The following DENND6A variants were observed in gnomAD, a reference collection of about 807,000 sequenced individuals.
The protein encoded by DENND6A is DENN domain containing 6A, also known as protein DENND6A.
A neutral mutation model predicts 95.5 loss-of-function variants in DENND6A; 43 were observed. The ratio of observed to expected loss-of-function variants is 0.45; its 90% confidence interval spans 0.35 to 0.58. The LOEUF (loss-of-function observed/expected upper bound fraction) is 0.58. Among genes scored for constraint, DENND6A ranks in the 20% least tolerant of loss-of-function variants. DENND6A has a pLI of 0.00. For missense variants in DENND6A, 574 were observed against 736.0 expected, an observed-to-expected ratio of 0.78 and a Z score of 2.55; for synonymous variants, 257 against 260.4, an observed-to-expected ratio of 0.99 and a Z score of 0.13.
intron 15 of DENND6A, among the ~76,000 whole-genome samples, chr3:57,632,459 G>T (rs995542707): frequency 2.0e-5 from 3 of 152,106 alleles, no homozygotes; most frequent in East Asian, 3.9e-4. Context: ...TGGCAGGCCT[G>T]AGCCACTGTG....
At chr3:57,638,515 G>A (rs1431808783) in intron 12 of DENND6A, among the ~76,000 whole-genome samples, 1 of 151,872 alleles carries the variant, frequency 6.6e-6, no homozygotes, top group Non-Finnish European at 1.5e-5. Context: ...AAAATTAGCT[G>A]GGTGTGGTGG....
At chr3:57,630,263 C>A in intron 18 of DENND6A, 158 bp downstream of exon 18, 1 of 569,238 alleles carries the variant, frequency 1.8e-6, no homozygotes, top group Non-Finnish European at 2.9e-6. Context: ...TATATAAAGC[C>A]CCTATAATGT....
At chr3:57,670,019 C>CAAA (rs780880587) in intron 3 of DENND6A, among the ~76,000 whole-genome samples, 5 of 57,710 alleles carry the variant, frequency 8.7e-5, no homozygotes, top group African/African-American at 2.9e-4. Context: ...AACTCCATCT[C>CAAA]AAAAAAAAAA....
At chr3:57,648,301 A>G (rs187123208) in intron 9 of DENND6A, among the ~76,000 whole-genome samples, 1 of 152,342 alleles carries the variant, frequency 6.6e-6, no homozygotes, top group African/African-American at 2.4e-5. Context: ...CAAGGAGGTG[A>G]AAGACCTCTA....
At chr3:57,660,396 GTCT>G (rs1224968777) in intron 7 of DENND6A, among the ~76,000 whole-genome samples, 3 of 151,920 alleles carry the variant, frequency 2.0e-5, no homozygotes, top group African/African-American at 7.3e-5. Flanking sequence ...GCCCAGGGTG[GTCT>G]TCAACACTTG....
chr3:57,683,104 G>A (rs1000736450), intron 1 of DENND6A, among the ~76,000 whole-genome samples: 2 of 152,090 alleles, frequency 1.3e-5, no homozygotes, highest in African/African-American at 4.8e-5. Context: ...CTATGCAAAT[G>A]GTCCCAGTGC....
rs1446696979 is a variant in DENND6A at position 57,630,509 on chromosome 3, G to C, written c.1532C>G (p.Ser511Cys). 5 of 1,589,058 alleles carry C rather than the reference G, an allele frequency of 3.1e-6. No homozygotes were observed. The highest frequency in any genetic ancestry group is 4.3e-6 in the Non-Finnish European group (5 of 1,174,640). ...CTTAAACCAGCCATCAAAATTTGGAGACTTTAGGAAATGCCTATAAAAATA... is the reference window on the plus strand; with the variant it reads ...CTTAAACCAGCCATCAAAATTTGGACACTTTAGGAAATGCCTATAAAAATA... ...WIGLYRHFLK[S>C]PNFDGWFKTR... Residue 511 changes from serine to cysteine, a missense_variant, in exon 18 of 20, where the codon TCT becomes TGT. By Grantham distance (112) the Ser-to-Cys change is moderately radical. Coordinates refer to ENST00000311128, the MANE Select transcript of DENND6A (RefSeq NM_152678.3).
At chr3:57,644,419 C>T (rs1392531990) in intron 11 of DENND6A, among the ~76,000 whole-genome samples, 1 of 151,734 alleles carries the variant, frequency 6.6e-6, no homozygotes, top group Non-Finnish European at 1.5e-5. Flanking sequence ...CATCCTCCCA[C>T]CTCAGCCTCA....
At chr3:57,659,249 G>T in intron 7 of DENND6A, 69 bp from the exon 8 acceptor site, 1 of 1,530,514 alleles carries the variant, frequency 6.5e-7, no homozygotes, top group Non-Finnish European at 9.0e-7. Context: ...GTATCCTGCT[G>T]CTAAAAAGGT....
At chr3:57,663,821 T>C (rs2071478146) in intron 4 of DENND6A, 105 bp from the exon 5 acceptor site, 4 of 575,504 alleles carry the variant, frequency 7.0e-6, no homozygotes, top group Admixed American at 3.7e-5. Flanking sequence ...GGCTCCTTTA[T>C]AAACCCAAAT....
chr3:57,679,567 A>C (rs2077141802), intron 1 of DENND6A: 1 of 985,314 alleles, frequency 1.0e-6, no homozygotes, highest in South Asian at 4.7e-5. Context: ...TGGAAAGTAC[A>C]GTACTGGTAC....
chr3:57,661,621 A>G, intron 5 of DENND6A, 70 bp from the exon 6 acceptor site: 6 of 1,239,126 alleles, frequency 4.8e-6, no homozygotes, highest in Non-Finnish European at 6.7e-6. Flanking sequence ...TCAATTACTA[A>G]CAAGCTAAAT....
rs80305885 is a variant in DENND6A at position 57,685,785 on chromosome 3, T to A, written c.237+6997A>T. 4.6e-5 allele frequency among the ~76,000 whole-genome samples: 7 copies of A among 152,296 alleles called. No homozygotes were observed. In the East Asian group the frequency reaches 1.4e-3, roughly 29 times the overall value. ...TAATGTTTGCTCTTGGCAGAATCAT[T>A]CTATGTTCATTCTATTGCAATATGT... On this transcript the variant is annotated intron_variant, in intron 1 of 19. Coordinates refer to ENST00000311128, the MANE Select transcript of DENND6A (RefSeq NM_152678.3).
intron 12 of DENND6A, among the ~76,000 whole-genome samples, chr3:57,639,290 A>G (rs995768765): frequency 6.6e-6 from 1 of 152,236 alleles, no homozygotes; most frequent in Admixed American, 6.5e-5. Flanking sequence ...GTTAAGAAAT[A>G]GGAACCCTCA....
intron 11 of DENND6A, among the ~76,000 whole-genome samples, chr3:57,645,019 T>C (rs2071048200): frequency 6.6e-6 from 1 of 151,792 alleles, no homozygotes; most frequent in Non-Finnish European, 1.5e-5. Context: ...AATCTAGCTG[T>C]AAAAAGAAGG....
chr3:57,663,005 G>C (rs1254383170), intron 5 of DENND6A, among the ~76,000 whole-genome samples: 1 of 151,124 alleles, frequency 6.6e-6, no homozygotes, highest in African/African-American at 2.4e-5. Flanking sequence ...TGTAATGCCA[G>C]CTACTTGTGA....
At chr3:57,643,148 A>AT (rs2070988481) in intron 11 of DENND6A, among the ~76,000 whole-genome samples, 1 of 152,092 alleles carries the variant, frequency 6.6e-6, no homozygotes. Context: ...TAGAAAGAAG[A>AT]TAAGAAATGT....
intron 1 of DENND6A, among the ~76,000 whole-genome samples, chr3:57,675,277 G>A (rs905384859): frequency 5.3e-5 from 8 of 152,120 alleles, no homozygotes; most frequent in East Asian, 1.9e-4. Flanking sequence ...CCAAAAGATT[G>A]GTAAAATCAT....
At chr3:57,631,283 G>A in intron 15 of DENND6A, 1 of 226,608 alleles carries the variant, frequency 4.4e-6, no homozygotes, top group Non-Finnish European at 8.6e-6. Context: ...TACAACCTCT[G>A]CCCCCCGGGT....
Sources: allele counts gnomAD v4.1 joint callset (sites outside exome capture counted in the v4.1 genomes callset), GRCh38; gene constraint gnomAD v4.1.1; transcripts MANE v1.5; gene names NCBI Gene and HGNC (gene_info 2026-07-23, HGNC 2026-07-21).